FRMPD4: variants seen among roughly 807,000 people sequenced by gnomAD.
The protein encoded by FRMPD4 is FERM and PDZ domain containing 4.
In FRMPD4, 22 loss-of-function variants were observed where a neutral mutation model predicts 94.1. That is an observed-to-expected ratio of 0.23 (90% CI 0.17 to 0.33). The LOEUF is 0.33. Among genes scored for constraint, FRMPD4 ranks in the 10% least tolerant of loss-of-function variants. The probability of loss-of-function intolerance (pLI) is 1.00; values close to 1 mark genes in which losing one functional copy is unlikely to be tolerated. For synonymous variants in FRMPD4, 631 were observed against 548.6 expected (o/e 1.15, Z -2.10); for missense variants, 1,111 against 1,339.9 (o/e 0.83, Z 2.67).
chrX:12,045,231 T>A (rs1231063780), intron 3 of FRMPD4, among the ~76,000 whole-genome samples: 1 of 112,058 alleles, frequency 8.9e-6, no homozygotes, highest in Non-Finnish European at 1.9e-5. Flanking sequence ...CCACATGGCC[T>A]ACAAAGCCTG....
intron 1 of FRMPD4, among the ~76,000 whole-genome samples, chrX:11,841,431 T>C (rs1378480263): frequency 2.8e-5 from 3 of 108,040 alleles, no homozygotes; most frequent in African/African-American, 6.7e-5. Context: ...TTTTTAATGA[T>C]TGCCGTTCTA....
chrX:12,426,917 C>T (rs1160046273), intron 1 of FRMPD4, among the ~76,000 whole-genome samples: 1 of 109,084 alleles, frequency 9.2e-6, no homozygotes, highest in African/African-American at 3.4e-5. Flanking sequence ...AATCCTGGCT[C>T]TATTACTAGC....
At chrX:12,148,292 G>A (rs763449130) in intron 1 of FRMPD4, among the ~76,000 whole-genome samples, 2 of 112,225 alleles carry the variant, frequency 1.8e-5, no homozygotes, top group Admixed American at 9.5e-5. Flanking sequence ...ACACACAAAC[G>A]ATAAGAAAGT....
chrX:11,841,231 G>A (rs2053534484), intron 1 of FRMPD4, among the ~76,000 whole-genome samples: 1 of 109,511 alleles, frequency 9.1e-6, no homozygotes. Context: ...CTTTATAGCA[G>A]CATGATTTAT....
chrX:12,539,337 G>A (rs772862826), intron 2 of FRMPD4, among the ~76,000 whole-genome samples: 8 of 112,167 alleles, frequency 7.1e-5, no homozygotes, highest in Non-Finnish European at 1.5e-4. Context: ...GTGACAGGGA[G>A]AATGGAACCA....
At chrX:11,914,841 G>T (rs1396105531) in intron 3 of FRMPD4, among the ~76,000 whole-genome samples, 2 of 111,937 alleles carry the variant, frequency 1.8e-5, no homozygotes, top group East Asian at 5.6e-4. Context: ...CTTTTTTCAT[G>T]TATATGTTAA....
At chrX:11,871,756 C>A (rs1376206076) in intron 2 of FRMPD4, among the ~76,000 whole-genome samples, 1 of 111,571 alleles carries the variant, frequency 9.0e-6, no homozygotes, top group Admixed American at 9.5e-5. Context: ...AGCACAGTGT[C>A]CAGGGATGAA....
chrX:11,998,843 G>T (rs1019520925), intron 3 of FRMPD4, among the ~76,000 whole-genome samples: 2 of 111,716 alleles, frequency 1.8e-5, no homozygotes. Context: ...GTTTCTTTAG[G>T]AAACAACTTG....
chrX:12,560,945 A>T, intron 2 of FRMPD4, among the ~76,000 whole-genome samples: 1 of 96,217 alleles, frequency 1.0e-5, no homozygotes, highest in Non-Finnish European at 2.1e-5. Flanking sequence ...AATTTTTTGT[A>T]TTTTTAGTAG....
intron 1 of FRMPD4, among the ~76,000 whole-genome samples, chrX:12,158,246 G>C (rs1209158069): frequency 9.0e-6 from 1 of 111,468 alleles, no homozygotes; most frequent in Non-Finnish European, 1.9e-5. Flanking sequence ...GATGTAGGTA[G>C]AGGTTCCCAG....
intron 1 of FRMPD4, among the ~76,000 whole-genome samples, chrX:12,167,606 T>G (rs4830763): frequency 0.074 from 8,216 of 111,302 alleles, 908 homozygotes; most frequent in East Asian, 0.61. Context: ...TGACTTCTTA[T>G]GCAATTCAGT....
At chrX:12,231,556 A>G (rs1323843022) in intron 1 of FRMPD4, among the ~76,000 whole-genome samples, 1 of 111,146 alleles carries the variant, frequency 9.0e-6, no homozygotes, top group Non-Finnish European at 1.9e-5. Flanking sequence ...AAGTTAAATG[A>G]TTAGTAGTTG....
chrX:11,840,775 G>A (rs183723989), intron 1 of FRMPD4, among the ~76,000 whole-genome samples: 35 of 104,086 alleles, frequency 3.4e-4, no homozygotes, highest in African/African-American at 1.2e-3. Context: ...TTAAGTTTTA[G>A]GGTACATGTG....
intron 3 of FRMPD4, among the ~76,000 whole-genome samples, chrX:11,922,840 G>A (rs1412000006): frequency 8.9e-6 from 1 of 112,794 alleles, no homozygotes; most frequent in Non-Finnish European, 1.9e-5. Flanking sequence ...CTTAGCCCTA[G>A]GGAACAGTTG....
At chrX:12,304,547 C>G (rs1569225097) in intron 1 of FRMPD4, among the ~76,000 whole-genome samples, 3 of 111,174 alleles carry the variant, frequency 2.7e-5, no homozygotes, top group Non-Finnish European at 3.8e-5. Flanking sequence ...TAATATACAA[C>G]CCACACCCTC....
intron 1 of FRMPD4, among the ~76,000 whole-genome samples, chrX:12,493,120 G>A (rs889485773): frequency 9.0e-6 from 1 of 111,061 alleles, no homozygotes; most frequent in African/African-American, 3.3e-5. Context: ...AATTCATCCA[G>A]AACCATCTAT....
At chrX:11,910,633 C>G (rs1459466181) in intron 3 of FRMPD4, among the ~76,000 whole-genome samples, 1 of 111,639 alleles carries the variant, frequency 9.0e-6, no homozygotes, top group African/African-American at 3.3e-5. Context: ...TCAGGCTGAT[C>G]TTAAGCTCCT....
chrX:12,593,045 G>A (rs1413496257), intron 2 of FRMPD4, among the ~76,000 whole-genome samples: 1 of 111,387 alleles, frequency 9.0e-6, no homozygotes, highest in Non-Finnish European at 1.9e-5. Context: ...TTCAAGACTG[G>A]CATCCTTGAT....
At chrX:12,483,838 T>C (rs754511458) in intron 1 of FRMPD4, among the ~76,000 whole-genome samples, 20 of 112,051 alleles carry the variant, frequency 1.8e-4, no homozygotes, top group Middle Eastern at 4.6e-3. Context: ...AGAATCTAGG[T>C]ATGGAAAAAA....
Sources: allele counts gnomAD v4.1 joint callset (sites outside exome capture counted in the v4.1 genomes callset), GRCh38; gene constraint gnomAD v4.1.1; transcripts MANE v1.5; gene names NCBI Gene and HGNC (gene_info 2026-07-23, HGNC 2026-07-21).